Variants in HPSE2 observed in about 807,000 individuals in gnomAD.
The protein encoded by HPSE2 is heparanase 2 (inactive).
A neutral mutation model predicts 60.5 loss-of-function variants in HPSE2; 38 were observed. That is an observed-to-expected ratio of 0.63 (90% CI 0.48 to 0.82). The LOEUF is 0.82. Among genes scored for constraint, HPSE2 ranks in the 40% least tolerant of loss-of-function variants. HPSE2 has a pLI of 0.00. For synonymous variants in HPSE2, 295 were observed against 293.2 expected, an observed-to-expected ratio of 1.01 and a Z score of -0.06; for missense variants, 713 against 740.4, an observed-to-expected ratio of 0.96 and a Z score of 0.43.
At chr10:99,234,635 T>C (rs1849779002) in intron 1 of HPSE2, among the ~76,000 whole-genome samples, 1 of 152,162 alleles carries the variant, frequency 6.6e-6, no homozygotes, top group Non-Finnish European at 1.5e-5. Flanking sequence ...GGGAAGAGTG[T>C]GAGCCCAATT....
the HPSE2 span, among the ~76,000 whole-genome samples, chr10:99,284,001 T>TA: frequency 2.5e-5 from 1 of 39,442 alleles, no homozygotes; most frequent in East Asian, 4.0e-4. Context: ...CCAAAAAACT[T>TA]AAAGGGAAGA....
intron 3 of HPSE2, among the ~76,000 whole-genome samples, chr10:98,905,546 G>C (rs546770698): frequency 2.6e-5 from 4 of 152,180 alleles, no homozygotes; most frequent in East Asian, 3.9e-4. Context: ...AGGATCCAGT[G>C]ACTTCTATTC....
In HPSE2 at chr10:98,620,693, T is replaced by G. The variant is rs1461588872; in HGVS notation, c.1114A>C (p.Thr372Pro). The G allele has an allele frequency of 1.2e-6, 2 of 1,613,294 alleles. No individual in the cohort carries two copies. Among genetic ancestry groups the G allele is most frequent in the African/African-American group, 1.3e-5 (1 of 74,914 alleles). The change falls in exon 8 of 12, where the codon ACT (threonine) becomes CCT (proline). Residue 372 changes from threonine to proline, a missense_variant. By Grantham distance (38) the Thr-to-Pro change is conservative. Transcript: ENST00000370552. The part of the protein sequence containing the change: ...RKIQKVVNTY[T>P]PGKKIWLEGV... ...TCAAGCCAAATCTTCTTTCCTGGAG[T>G]GTATGTATTAACCACCTGTTTACAC... is the stretch of plus-strand genomic sequence containing the variant.
upstream of HPSE2, chr10:99,235,984 TCGTTTTG>T: frequency 1.1e-5 from 5 of 461,380 alleles, no homozygotes; most frequent in African/African-American, 4.7e-5. Context: ...GCTCGCTCGC[TCGTTTTG>T]TTTTTTTCTT....
At chr10:99,080,484 C>T (rs981601557) in intron 3 of HPSE2, among the ~76,000 whole-genome samples, 3 of 152,086 alleles carry the variant, frequency 2.0e-5, no homozygotes, top group South Asian at 2.1e-4. Flanking sequence ...TGGAATGCCT[C>T]GAACCTTGTA....
Position 99,192,851 on chromosome 10 carries a change from T to G in HPSE2, c.448+39497A>C, listed in dbSNP as rs1270536380. Among the ~76,000 whole-genome samples the G allele has an allele frequency of 2.0e-5, 3 of 152,158 alleles. No homozygotes were observed. The East Asian group carries it at 5.8e-4, about 29-fold the overall frequency. On this transcript the variant is annotated intron_variant, in intron 2 of 11. Coordinates refer to ENST00000370552, the MANE Select transcript of HPSE2 (RefSeq NM_021828.5). ...TCTCAGACAAACAAATGCTGAGGATTTTCATCAATACCAGACCTGTCCTAC... is the reference window on the plus strand; with the variant it reads ...TCTCAGACAAACAAATGCTGAGGATGTTCATCAATACCAGACCTGTCCTAC...
intron 3 of HPSE2, among the ~76,000 whole-genome samples, chr10:98,837,225 C>G (rs192257303): frequency 1.3e-5 from 2 of 152,286 alleles, no homozygotes; most frequent in East Asian, 3.9e-4. Flanking sequence ...CATTAATACT[C>G]ATAGTTTGAA....
chr10:98,744,940 C>T (rs1463279196), intron 3 of HPSE2, among the ~76,000 whole-genome samples: 1 of 152,212 alleles, frequency 6.6e-6, no homozygotes, highest in East Asian at 1.9e-4. Context: ...TGGTGGCTCA[C>T]GCCTGTAATT....
chr10:99,153,090 C>T (rs886951425), intron 2 of HPSE2, among the ~76,000 whole-genome samples: 2 of 152,340 alleles, frequency 1.3e-5, no homozygotes, highest in East Asian at 1.9e-4. Flanking sequence ...GCACATGGCT[C>T]GGAGGGTCCT....
intron 9 of HPSE2, among the ~76,000 whole-genome samples, chr10:98,570,046 T>A (rs191700894): frequency 6.6e-6 from 1 of 152,356 alleles, no homozygotes; most frequent in Admixed American, 6.5e-5. Context: ...CTCACTGGCA[T>A]CTCTGGCCAC....
At chr10:99,116,920 C>A (rs1411080994) in intron 3 of HPSE2, among the ~76,000 whole-genome samples, 1 of 151,820 alleles carries the variant, frequency 6.6e-6, no homozygotes, top group Non-Finnish European at 1.5e-5. Flanking sequence ...GAGCAGGAGC[C>A]CCCAAACAGA....
In HPSE2 at chr10:98,512,348, G is replaced by A. The variant is rs568266607; in HGVS notation, c.1321-22152C>T. ...TGTAATCCCAGCACTTTGGGAGGCC[G>A]AGGCGGGCGGATCACGAGGTCCGGA... is the stretch of plus-strand genomic sequence containing the variant. On this transcript the variant is annotated intron_variant, in intron 9 of 11. Coordinates refer to ENST00000370552, the MANE Select transcript of HPSE2 (RefSeq NM_021828.5). 1.7e-3 allele frequency among the ~76,000 whole-genome samples: 266 copies of A among 152,292 alleles called. 1 individual carries two copies. Among genetic ancestry groups the A allele is most frequent in the Non-Finnish European group, 3.4e-3 (233 of 68,016 alleles).
chr10:98,820,274 C>G (rs763170618), intron 3 of HPSE2, among the ~76,000 whole-genome samples: 4 of 152,078 alleles, frequency 2.6e-5, no homozygotes, highest in Non-Finnish European at 4.4e-5. Context: ...TTATGTTCAT[C>G]TCCTTAAACT....
intron 3 of HPSE2, among the ~76,000 whole-genome samples, chr10:98,896,388 C>T (rs1418005516): frequency 1.3e-5 from 2 of 152,032 alleles, no homozygotes; most frequent in Non-Finnish European, 2.9e-5. Context: ...GGTGAATTTA[C>T]CAGAGATTCT....
chr10:99,142,552 T>G (rs1037230509), intron 3 of HPSE2, among the ~76,000 whole-genome samples: 1 of 152,140 alleles, frequency 6.6e-6, no homozygotes, highest in Admixed American at 6.5e-5. Context: ...ATGTGGAAAA[T>G]GCCTGAGGAC....
intron 3 of HPSE2, among the ~76,000 whole-genome samples, chr10:98,959,942 T>C (rs1564691862): frequency 2.0e-5 from 3 of 152,046 alleles, no homozygotes; most frequent in Non-Finnish European, 2.9e-5. Context: ...TTCTGCAAAG[T>C]TTTTTCCCCC....
At chr10:99,275,722 T>A in the HPSE2 span, among the ~76,000 whole-genome samples, 3 of 152,198 alleles carry the variant, frequency 2.0e-5, no homozygotes. Context: ...AACATCCGTC[T>A]TGGGTCTTCT....
intron 3 of HPSE2, among the ~76,000 whole-genome samples, chr10:99,006,403 G>A (rs1245617106): frequency 2.0e-5 from 3 of 152,192 alleles, no homozygotes; most frequent in Non-Finnish European, 2.9e-5. Flanking sequence ...CAGGCCCAGA[G>A]CCTATATCCA....
chr10:98,765,227 A>C (rs192714776), intron 3 of HPSE2, among the ~76,000 whole-genome samples: 6 of 152,336 alleles, frequency 3.9e-5, no homozygotes, highest in Admixed American at 3.9e-4. Context: ...AGCAGTGCTC[A>C]TAACACTCAC....
Sources: allele counts gnomAD v4.1 joint callset (sites outside exome capture counted in the v4.1 genomes callset), GRCh38; gene constraint gnomAD v4.1.1; transcripts MANE v1.5; gene names NCBI Gene and HGNC (gene_info 2026-07-23, HGNC 2026-07-21).